The following FSIP1 variants were observed in gnomAD, a reference collection of about 807,000 sequenced individuals.
The protein encoded by FSIP1 is fibrous sheath interacting protein 1, also known as fibrous sheath-interacting protein 1.
A neutral mutation model predicts 60.9 loss-of-function variants in FSIP1; 65 were observed. The ratio of observed to expected loss-of-function variants is 1.07; its 90% CI spans 0.87 to 1.31. FSIP1 has a LOEUF of 1.31. Among genes scored for constraint, FSIP1 ranks in the 40% most tolerant of loss-of-function variants. The pLI, the probability that FSIP1 is intolerant of heterozygous loss-of-function variation, is 0.00. For missense variants in FSIP1, 675 were observed against 665.5 expected (o/e 1.01, Z -0.16); for synonymous variants, 209 against 221.2 (o/e 0.94, Z 0.49).
intron 11 of FSIP1, among the ~76,000 whole-genome samples, chr15:39,605,807 A>G (rs937381207): frequency 6.6e-6 from 1 of 152,244 alleles, no homozygotes; most frequent in African/African-American, 2.4e-5. Flanking sequence ...TCCCAGAGCT[A>G]ATCATTTTAT....
At chr15:39,755,057 G>C (rs1460118777) in intron 5 of FSIP1, among the ~76,000 whole-genome samples, 1 of 151,670 alleles carries the variant, frequency 6.6e-6, no homozygotes, top group Non-Finnish European at 1.5e-5. Context: ...GTCTGTTTTA[G>C]AGTAAGATTA....
intron 10 of FSIP1, among the ~76,000 whole-genome samples, chr15:39,652,264 A>T (rs780378802): frequency 2.0e-5 from 3 of 152,258 alleles, no homozygotes; most frequent in Non-Finnish European, 4.4e-5. Context: ...ATGAAGTTTA[A>T]TTCTCAGTCC....
intron 8 of FSIP1, among the ~76,000 whole-genome samples, chr15:39,731,996 T>C (rs1040242312): frequency 6.6e-6 from 1 of 152,210 alleles, no homozygotes; most frequent in Non-Finnish European, 1.5e-5. Flanking sequence ...ACAGGTTTCC[T>C]GGAAGAAAAT....
intron 10 of FSIP1, among the ~76,000 whole-genome samples, chr15:39,649,703 C>T (rs928815568): frequency 2.0e-5 from 3 of 152,170 alleles, no homozygotes; most frequent in African/African-American, 7.2e-5. Context: ...ACTCTGCCGT[C>T]GTCCTCTGCC....
At chr15:39,646,545 A>AAT (rs1892620346) in intron 10 of FSIP1, among the ~76,000 whole-genome samples, 1 of 149,550 alleles carries the variant, frequency 6.7e-6, no homozygotes, top group African/African-American at 2.5e-5. Context: ...AAAAAAAAAA[A>AAT]AAGGCTGCGT....
chr15:39,609,401 C>T (rs1890943247), intron 11 of FSIP1, among the ~76,000 whole-genome samples: 1 of 152,194 alleles, frequency 6.6e-6, no homozygotes, highest in South Asian at 2.1e-4. Context: ...ACGGGCCCCA[C>T]CCAACCCCAG....
chr15:39,772,892 C>T (rs1333993529), intron 2 of FSIP1, among the ~76,000 whole-genome samples: 2 of 151,986 alleles, frequency 1.3e-5, no homozygotes, highest in Admixed American at 6.6e-5. Context: ...TGCCCAGCCC[C>T]ACCTCCATTT....
intron 10 of FSIP1, among the ~76,000 whole-genome samples, chr15:39,674,248 G>T (rs1030994317): frequency 6.6e-6 from 1 of 151,934 alleles, no homozygotes; most frequent in African/African-American, 2.4e-5. Context: ...TAGAGACAGG[G>T]TTTCACCGTG....
intron 1 of FSIP1, among the ~76,000 whole-genome samples, chr15:39,781,579 C>T (rs942174154): frequency 5.3e-5 from 8 of 152,108 alleles, no homozygotes; most frequent in African/African-American, 1.9e-4. Flanking sequence ...AAATATGCCT[C>T]AAGTAGGAAA....
intron 9 of FSIP1, among the ~76,000 whole-genome samples, chr15:39,715,496 A>C (rs1304672636): frequency 6.6e-6 from 1 of 152,180 alleles, no homozygotes; most frequent in Non-Finnish European, 1.5e-5. Flanking sequence ...TGGGTTTTCG[A>C]AACTTTCATC....
At chr15:39,677,514 T>C (rs1320322403) in intron 10 of FSIP1, among the ~76,000 whole-genome samples, 1 of 152,096 alleles carries the variant, frequency 6.6e-6, no homozygotes, top group African/African-American at 2.4e-5. Flanking sequence ...CAAGCACTTT[T>C]AAAATTATTT....
intron 10 of FSIP1, among the ~76,000 whole-genome samples, chr15:39,634,227 A>G (rs896972661): frequency 6.6e-5 from 10 of 152,166 alleles, no homozygotes; most frequent in African/African-American, 2.4e-4. Flanking sequence ...TATTAAGGAA[A>G]AGCCCTCTTT....
intron 10 of FSIP1, among the ~76,000 whole-genome samples, chr15:39,655,820 C>G (rs1197151359): frequency 6.6e-6 from 1 of 152,184 alleles, no homozygotes; most frequent in African/African-American, 2.4e-5. Flanking sequence ...CACAGAATCT[C>G]AAGCAGGTTG....
At chr15:39,652,554 A>AT (rs538108265) in intron 10 of FSIP1, among the ~76,000 whole-genome samples, 2 of 151,918 alleles carry the variant, frequency 1.3e-5, no homozygotes, top group Non-Finnish European at 2.9e-5. Flanking sequence ...ATTTCTTTCC[A>AT]TTTTTTTTCT....
At chr15:39,738,946 CT>C (rs1896709983) in intron 7 of FSIP1, among the ~76,000 whole-genome samples, 1 of 152,224 alleles carries the variant, frequency 6.6e-6, no homozygotes, top group Non-Finnish European at 1.5e-5. Flanking sequence ...TTAACTCTCT[CT>C]TGTCAATACT....
In FSIP1 at chr15:39,741,809, A is replaced by G; in HGVS notation, c.651T>C (p.Asn217=). Residue 217 remains asparagine (N), a synonymous_variant, in exon 6 of 12, where the codon AAT becomes AAC. Coordinates refer to ENST00000350221, the MANE Select transcript of FSIP1 (RefSeq NM_152597.5). ...ATCACACAAATTTAAATATACCTTT[A>G]TTGAGTTTCTGCATCTGCATTTCAT... ...EEYEMQMQKL[N]KDFTCDVERN... 1 of 1,518,952 alleles carries G rather than the reference A, an allele frequency of 6.6e-7. No individual in the cohort carries two copies. The highest frequency in any genetic ancestry group is 9.1e-7 in the Non-Finnish European group (1 of 1,094,536). The allele number at this position is 1,518,952 out of a possible 1,614,324, so 94.1% of individuals were successfully genotyped here.
At chr15:39,769,596 C>A (rs902298512) in intron 3 of FSIP1, among the ~76,000 whole-genome samples, 2 of 152,210 alleles carry the variant, frequency 1.3e-5, no homozygotes, top group Non-Finnish European at 2.9e-5. Flanking sequence ...AACTTCGGTA[C>A]ACAGCATAAT....
chr15:39,689,352 T>G (rs1477617752), intron 10 of FSIP1, among the ~76,000 whole-genome samples: 1 of 152,194 alleles, frequency 6.6e-6, no homozygotes, highest in Non-Finnish European at 1.5e-5. Flanking sequence ...TGATTAATTC[T>G]TTGGTCATTG....
chr15:39,617,722 C>CTTAAA lies in FSIP1; in HGVS notation c.1699+12_1699+13insTTTAA. 1 of 1,598,058 alleles carries CTTAAA rather than the reference C, an allele frequency of 6.3e-7. No homozygotes were observed. Among genetic ancestry groups the CTTAAA allele is most frequent in the South Asian group, 1.1e-5 (1 of 89,060 alleles). The stretch of plus-strand genomic sequence containing the variant: ...AGAATTATTTACCAAAACACATGTT[C>CTTAAA]GCCAAGCCTCACCTGCTATTGTATT... On this transcript the variant is annotated intron_variant, in intron 11 of 11. Coordinates refer to ENST00000350221, the MANE Select transcript of FSIP1 (RefSeq NM_152597.5).
Sources: gnomAD v4.1 joint callset for allele counts (sites outside exome capture counted in the v4.1 genomes callset) on GRCh38, gnomAD v4.1.1 for gene constraint, MANE v1.5 for transcripts, NCBI Gene and HGNC (gene_info 2026-07-23, HGNC 2026-07-21) for gene names.